Variants in PCYOX1 observed in about 807,000 individuals in gnomAD.
PCYOX1 encodes the protein prenylcysteine lyase.
A neutral mutation model predicts 46.4 loss-of-function variants in PCYOX1; 46 were observed. The observed-to-expected ratio is 0.99, with a 90% confidence interval of 0.78 to 1.27. PCYOX1 has a LOEUF of 1.27. PCYOX1 is among the 50% of genes most tolerant of loss of function. The pLI, the probability that PCYOX1 is intolerant of heterozygous loss-of-function variation, is 0.00. For missense variants in PCYOX1, 658 were observed against 628.3 expected (o/e 1.05, Z -0.51); for synonymous variants, 220 against 231.8 (o/e 0.95, Z 0.46).
At chr2:70,261,127 G>A (rs1462556546) in intron 2 of PCYOX1, 85 bp from the exon 3 acceptor site, 1 of 799,588 alleles carries the variant, frequency 1.3e-6, no homozygotes, top group Non-Finnish European at 2.0e-6. Context: ...GAGAACTGAG[G>A]GAAGCCCCAA....
intron 2 of PCYOX1, 127 bp downstream of exon 2, chr2:70,259,693 C>A: frequency 1.4e-6 from 1 of 726,602 alleles, no homozygotes; most frequent in Non-Finnish European, 2.3e-6. Flanking sequence ...AACTGTTTTC[C>A]TCACTTTCTT....
intron 3 of PCYOX1, among the ~76,000 whole-genome samples, chr2:70,261,830 G>C (rs1696444964): frequency 6.6e-6 from 1 of 150,604 alleles, no homozygotes; most frequent in South Asian, 2.1e-4. Context: ...TGCTGGTGTT[G>C]TGTATATGAA....
At chr2:70,272,062 T>C (rs1696607176) in intron 3 of PCYOX1, among the ~76,000 whole-genome samples, 1 of 152,194 alleles carries the variant, frequency 6.6e-6, no homozygotes, top group Admixed American at 6.5e-5. Flanking sequence ...GGCATGGTTT[T>C]TCCAACCTCC....
chr2:70,277,427 A>ATGAC lies in PCYOX1; in HGVS notation c.*37_*40dup. 1 of 1,514,886 alleles carries ATGAC rather than the reference A, an allele frequency of 6.6e-7. No homozygotes were observed. Among genetic ancestry groups the ATGAC allele is most frequent in the East Asian group, 2.3e-5 (1 of 43,880 alleles). The allele number at this position is 1,514,886 out of a possible 1,614,324, so 93.8% of individuals were successfully genotyped here. ...CTCCTTTTTCCCCTCCTAGTTCCAA[A>ATGAC]TGACTATCAGTGGCAAAAAAGAACA... On this transcript the variant is annotated 3_prime_UTR_variant, in exon 6 of 6. Transcript: ENST00000433351.
At chr2:70,259,222 G>T (rs1696393903) in intron 1 of PCYOX1, 138 bp from the exon 2 acceptor site, 2 of 721,838 alleles carry the variant, frequency 2.8e-6, no homozygotes, top group Non-Finnish European at 4.9e-6. Flanking sequence ...CTTCGCTGCA[G>T]GTGTCACTCT....
chr2:70,268,670 A>G (rs1696561311), intron 3 of PCYOX1, among the ~76,000 whole-genome samples: 1 of 151,894 alleles, frequency 6.6e-6, no homozygotes, highest in Admixed American at 6.6e-5. Context: ...GTGGTGGTGC[A>G]TGCTTGTAAT....
chr2:70,264,429 C>T (rs371884539), intron 3 of PCYOX1, among the ~76,000 whole-genome samples: 16 of 151,670 alleles, frequency 1.1e-4, no homozygotes, highest in South Asian at 4.2e-4. Context: ...TGAGTCCAAG[C>T]GATTCTCCTG....
Position 70,275,620 on chromosome 2 carries a change from T to C in PCYOX1, c.813T>C (p.Ser271=), listed in dbSNP as rs1274917016. 6.2e-7 allele frequency: 1 copy of C among 1,614,052 alleles called. No individual in the cohort carries two copies. Among genetic ancestry groups the C allele is most frequent in the African/African-American group, 1.3e-5 (1 of 74,924 alleles). Residue 271 remains serine (S), a synonymous_variant, in exon 5 of 6, where the codon TCT becomes TCC. Coordinates refer to ENST00000433351, the MANE Select transcript of PCYOX1 (RefSeq NM_016297.4). ...LLQASKSNLI[S]GSVMYIEEKT... ...AGGCATCCAAAAGCAATCTTATATC[T>C]GGCTCAGTAATGTACATCGAGGAGA...
chr2:70,262,467 G>A (rs1198394850), intron 3 of PCYOX1, among the ~76,000 whole-genome samples: 1 of 149,500 alleles, frequency 6.7e-6, no homozygotes. Flanking sequence ...AGCTTGGCCG[G>A]CATGTGCTAA....
chr2:70,270,212 T>G (rs1352213989), intron 3 of PCYOX1, among the ~76,000 whole-genome samples: 1 of 152,150 alleles, frequency 6.6e-6, no homozygotes, highest in Admixed American at 6.5e-5. Context: ...GGCAGGCTGG[T>G]CTTGAACTCC....
At chr2:70,272,119 T>A (rs1696609488) in intron 3 of PCYOX1, among the ~76,000 whole-genome samples, 2 of 151,088 alleles carry the variant, frequency 1.3e-5, no homozygotes, top group South Asian at 2.1e-4. Flanking sequence ...GCCTGGCTAA[T>A]TTTTAATTTT....
In PCYOX1 at chr2:70,280,991, CGTTTGAGCTT is replaced by C. The variant is rs1298526471; in HGVS notation, c.*3602_*3611del. 3 of 152,110 alleles carry C rather than the reference CGTTTGAGCTT, an allele frequency of 2.0e-5. No homozygotes were observed. Among genetic ancestry groups the C allele is most frequent in the Non-Finnish European group, 2.9e-5 (2 of 68,012 alleles). The allele number at this position is 152,110 out of a possible 1,614,324, so 9.4% of individuals were successfully genotyped here. A position where few individuals can be genotyped will look rare whatever the true frequency, so the allele number is the denominator to read the frequency against. ...ATACAACCATCTGTAATGTATCTCTCGTTTGAGCTTGTGGGCCATACAATTCATTAACTAG... is the reference window on the plus strand; with the variant it reads ...ATACAACCATCTGTAATGTATCTCTCGTGGGCCATACAATTCATTAACTAG... On this transcript the variant is annotated 3_prime_UTR_variant, in exon 6 of 6. Coordinates refer to ENST00000433351, the MANE Select transcript of PCYOX1 (RefSeq NM_016297.4).
At chr2:70,272,436 A>C (rs892405134) in intron 3 of PCYOX1, among the ~76,000 whole-genome samples, 1 of 151,818 alleles carries the variant, frequency 6.6e-6, no homozygotes, top group African/African-American at 2.4e-5. Context: ...TAATTTTTAC[A>C]TTTTGTGTAC....
Position 70,277,231 on chromosome 2 carries a change from C to G in PCYOX1, c.1357C>G (p.Arg453Gly), listed in dbSNP as rs753395597. 1.2e-6 allele frequency: 2 copies of G among 1,614,110 alleles called. No individual in the cohort carries two copies. Among genetic ancestry groups the G allele is most frequent in the East Asian group, 4.5e-5 (2 of 44,888 alleles). Residue 453 changes from arginine (R) to glycine (G), a missense_variant, in exon 6 of 6, where the codon CGA becomes GGA. Transcript: ENST00000433351. ...ATGCCCCTCTATCATTCTCCATGATCGACTTTATTACCTCAATGGCATAGA... is the reference window on the plus strand; with the variant it reads ...ATGCCCCTCTATCATTCTCCATGATGGACTTTATTACCTCAATGGCATAGA... ...EKCPSIILHD[R>G]LYYLNGIECA... is the part of the protein sequence containing the mutation.
intron 3 of PCYOX1, among the ~76,000 whole-genome samples, chr2:70,268,525 T>C (rs1696559297): frequency 6.6e-6 from 1 of 152,072 alleles, no homozygotes; most frequent in Admixed American, 6.6e-5. Flanking sequence ...TAAAACAATT[T>C]GATGGGTGTC....
chr2:70,278,120 G>A lies in PCYOX1; in HGVS notation c.*728G>A, dbSNP rs1464953553. ...GGTGAAATTTAGAAGTCTTAGTAATGTAACTTGAAGATGTTAAACAAAAAT... is the reference window on the plus strand; with the variant it reads ...GGTGAAATTTAGAAGTCTTAGTAATATAACTTGAAGATGTTAAACAAAAAT... On this transcript the variant is annotated 3_prime_UTR_variant, in exon 6 of 6. Transcript: ENST00000433351. The A allele has an allele frequency of 1.3e-5, 2 of 152,442 alleles. No homozygotes were observed. Among genetic ancestry groups the A allele is most frequent in the Non-Finnish European group, 2.9e-5 (2 of 68,030 alleles). 9.4% of individuals were successfully genotyped at this position (152,442 alleles called of 1,614,324 possible). A position where few individuals can be genotyped will look rare whatever the true frequency, so the allele number is the denominator to read the frequency against.
At chr2:70,268,841 T>TG (rs1246338333) in intron 3 of PCYOX1, among the ~76,000 whole-genome samples, 2 of 149,352 alleles carry the variant, frequency 1.3e-5, no homozygotes, top group Non-Finnish European at 3.0e-5. Flanking sequence ...AAAGACCATG[T>TG]GAGGACACAG....
intron 1 of PCYOX1, 107 bp downstream of exon 1, chr2:70,258,383 C>G: frequency 1.5e-6 from 1 of 665,956 alleles, no homozygotes; most frequent in Non-Finnish European, 2.4e-6. Flanking sequence ...TCCAGCGGTG[C>G]AGGCCGAGCC....
At chr2:70,276,097 C>CT (rs1696667287) in intron 5 of PCYOX1, among the ~76,000 whole-genome samples, 2 of 59,246 alleles carry the variant, frequency 3.4e-5, no homozygotes, top group African/African-American at 4.6e-5. Context: ...GAGACTCCAT[C>CT]TAAAAAAAAA....
Sources: gnomAD v4.1 joint callset for allele counts (sites outside exome capture counted in the v4.1 genomes callset) on GRCh38, gnomAD v4.1.1 for gene constraint, MANE v1.5 for transcripts, NCBI Gene and HGNC (gene_info 2026-07-23, HGNC 2026-07-21) for gene names.